The following NKAIN2 variants were observed in gnomAD, a reference collection of about 807,000 sequenced individuals.
The protein encoded by NKAIN2 is sodium/potassium transporting ATPase interacting 2.
NKAIN2 carries 14 observed loss-of-function variants against 32.6 expected under a neutral mutation model. The ratio of observed to expected loss-of-function variants is 0.43; its 90% CI spans 0.28 to 0.67. The LOEUF is 0.67. Ranked by LOEUF, NKAIN2 falls within the 30% of genes least tolerant of loss-of-function variation. NKAIN2 has a pLI of 0.17. For missense variants in NKAIN2, 198 were observed against 258.3 expected (o/e 0.77, Z 1.60); for synonymous variants, 80 against 87.2 (o/e 0.92, Z 0.46).
At chr6:124,122,185 T>G (rs984927923) in intron 1 of NKAIN2, among the ~76,000 whole-genome samples, 19 of 152,186 alleles carry the variant, frequency 1.2e-4, no homozygotes, top group African/African-American at 3.6e-4. Flanking sequence ...AATAGCCCAT[T>G]TACCTATAAT....
At chr6:124,808,796 A>C (rs570790113) in intron 5 of NKAIN2, among the ~76,000 whole-genome samples, 85 of 152,354 alleles carry the variant, frequency 5.6e-4, no homozygotes, top group African/African-American at 2.0e-3. Context: ...CTCAGGATAC[A>C]AAATCAATGT....
intron 1 of NKAIN2, among the ~76,000 whole-genome samples, chr6:123,873,199 C>T (rs1267307310): frequency 6.7e-6 from 1 of 149,434 alleles, no homozygotes; most frequent in Non-Finnish European, 1.5e-5. Flanking sequence ...CCCCCACCCG[C>T]CATGGAAGAG....
chr6:124,663,380 G>A (rs150813163), intron 4 of NKAIN2, among the ~76,000 whole-genome samples: 14 of 151,864 alleles, frequency 9.2e-5, no homozygotes, highest in African/African-American at 2.4e-4. Flanking sequence ...GCAGTGAGCC[G>A]AGATCATGCT....
intron 3 of NKAIN2, among the ~76,000 whole-genome samples, chr6:124,629,751 T>G (rs1783491478): frequency 6.6e-6 from 1 of 152,134 alleles, no homozygotes; most frequent in East Asian, 1.9e-4. Context: ...AAAGAAACGT[T>G]AAACCAATTT....
intron 1 of NKAIN2, among the ~76,000 whole-genome samples, chr6:124,128,931 G>A (rs1034847253): frequency 2.6e-5 from 4 of 152,142 alleles, no homozygotes; most frequent in African/African-American, 9.7e-5. Context: ...ACTTTGGTGT[G>A]CACAGAATCA....
At chr6:123,890,916 T>A (rs1361491381) in intron 1 of NKAIN2, among the ~76,000 whole-genome samples, 1 of 152,026 alleles carries the variant, frequency 6.6e-6, no homozygotes, top group African/African-American at 2.4e-5. Context: ...CTACTCACAA[T>A]AGCTAAATTT....
Position 124,103,915 on chromosome 6 carries a change from G to A in NKAIN2, c.55-179090G>A, listed in dbSNP as rs181397252. On this transcript the variant is annotated intron_variant, in intron 1 of 6. Transcript: ENST00000368417. ...ATCCTGGCTAACACGGTGAAACCCC[G>A]TCTCTACTAAAAATACAAAAAATTA... Among the ~76,000 whole-genome samples the A allele has an allele frequency of 6.3e-4, 96 of 152,036 alleles. 1 individual carries two copies. The highest frequency in any genetic ancestry group is 3.4e-3 in the Middle Eastern group (1 of 292).
chr6:124,622,089 AAACC>A (rs1783127127), intron 3 of NKAIN2, among the ~76,000 whole-genome samples: 8 of 152,306 alleles, frequency 5.3e-5, no homozygotes, highest in African/African-American at 1.9e-4. Flanking sequence ...TCAGAAGTTC[AAACC>A]AAGGTATGTG....
chr6:123,957,964 T>A (rs1777674175), intron 1 of NKAIN2, among the ~76,000 whole-genome samples: 1 of 152,184 alleles, frequency 6.6e-6, no homozygotes, highest in South Asian at 2.1e-4. Context: ...TTGACTATGT[T>A]TTATGGAAAG....
chr6:124,044,734 G>T (rs10081120), intron 1 of NKAIN2, among the ~76,000 whole-genome samples: 1,966 of 152,142 alleles, frequency 0.013, 51 homozygotes, highest in African/African-American at 0.044. Flanking sequence ...TGCTTTGCAG[G>T]TCAATTGCTT....
chr6:124,572,928 C>T (rs891486685), intron 3 of NKAIN2, among the ~76,000 whole-genome samples: 1 of 152,050 alleles, frequency 6.6e-6, no homozygotes, highest in Non-Finnish European at 1.5e-5. Context: ...CGTCCTCCGC[C>T]TCCCCAGTTC....
chr6:124,560,182 T>A (rs1780636197), intron 3 of NKAIN2, among the ~76,000 whole-genome samples: 1 of 152,174 alleles, frequency 6.6e-6, no homozygotes, highest in Non-Finnish European at 1.5e-5. Flanking sequence ...AGGAACCAGG[T>A]GGGAGGTAAT....
At position 123,964,550 on chromosome 6, in the gene NKAIN2, C is replaced by G. The variant is rs1320518397; in HGVS notation, c.54+160296C>G. Among the ~76,000 whole-genome samples, 1 of 152,180 alleles carries G rather than the reference C, an allele frequency of 6.6e-6. No homozygotes were observed. Among genetic ancestry groups the G allele is most frequent in the Admixed American group, 6.6e-5 (1 of 15,266 alleles). On this transcript the variant is annotated intron_variant, in intron 1 of 6. Coordinates refer to ENST00000368417, the MANE Select transcript of NKAIN2 (RefSeq NM_001040214.3). The surrounding 1 kb of genome is among the most constrained non-coding windows in gnomAD (Gnocchi z 4.0). ...TCATTTCTATATCATATTATTTCCT[C>G]ATTTTCCTACAGAAAGGACTTGGGG... is the stretch of plus-strand genomic sequence containing the variant.
At chr6:123,831,742 G>A (rs563652215) in intron 1 of NKAIN2, among the ~76,000 whole-genome samples, 4 of 149,362 alleles carry the variant, frequency 2.7e-5, no homozygotes, top group East Asian at 2.0e-4. Flanking sequence ...TGCAAGCTCC[G>A]CCTCCCGGGT....
chr6:124,512,958 T>G (rs1332195224), intron 3 of NKAIN2, among the ~76,000 whole-genome samples: 2 of 151,848 alleles, frequency 1.3e-5, no homozygotes, highest in East Asian at 3.9e-4. Context: ...AAGAAAGAAA[T>G]TATGACATCC....
chr6:124,049,647 C>A (rs1014135), intron 1 of NKAIN2, among the ~76,000 whole-genome samples: 34,474 of 151,898 alleles, frequency 0.23, 5,620 homozygotes, highest in African/African-American at 0.46. Flanking sequence ...TAAATTGTGC[C>A]TCATTCTAAG....
intron 1 of NKAIN2, among the ~76,000 whole-genome samples, chr6:123,896,458 T>C (rs867465328): frequency 3.2e-4 from 49 of 152,306 alleles, no homozygotes; most frequent in African/African-American, 1.0e-3. Flanking sequence ...CCTTAGGTAG[T>C]CAGTGTTAGC....
At chr6:124,236,650 T>C (rs1347174188) in intron 1 of NKAIN2, among the ~76,000 whole-genome samples, 2 of 152,176 alleles carry the variant, frequency 1.3e-5, no homozygotes, top group African/African-American at 4.8e-5. Flanking sequence ...GAAAGCTTAT[T>C]AAATATCCAG....
At chr6:124,372,359 TC>T (rs1224567653) in intron 3 of NKAIN2, among the ~76,000 whole-genome samples, 2 of 152,140 alleles carry the variant, frequency 1.3e-5, no homozygotes, top group Admixed American at 6.6e-5. Flanking sequence ...GTGACATGTA[TC>T]ACCCCTCAGA....
Sources: gnomAD v4.1 joint callset for allele counts (sites outside exome capture counted in the v4.1 genomes callset) on GRCh38, gnomAD v4.1.1 for gene constraint, Gnocchi (gnomAD v3.1) non-coding constraint, MANE v1.5 for transcripts, NCBI Gene and HGNC (gene_info 2026-07-23, HGNC 2026-07-21) for gene names.